Variants in ABL1 observed in about 807,000 individuals in gnomAD.
The protein encoded by ABL1 is tyrosine-protein kinase ABL1.
ABL1 carries 11 observed loss-of-function variants against 94.7 expected under a neutral mutation model. The observed-to-expected ratio is 0.12, with a 90% CI of 0.07 to 0.19. The LOEUF (loss-of-function observed/expected upper bound fraction) is 0.19. Among genes scored for constraint, ABL1 ranks in the 10% least tolerant of loss-of-function variants. The pLI, the probability that ABL1 is intolerant of heterozygous loss-of-function variation, is 1.00. For synonymous variants in ABL1, 656 were observed against 622.4 expected (o/e 1.05, Z -0.80); for missense variants, 1,082 against 1,489.4 (o/e 0.73, Z 4.50).
chr9:130,765,702 A>G (rs186997459), intron 1 of ABL1, among the ~76,000 whole-genome samples: 1 of 152,130 alleles, frequency 6.6e-6, no homozygotes, highest in African/African-American at 2.4e-5. Context: ...GCACAATTAG[A>G]CCTGACAGCC....
intron 1 of ABL1, among the ~76,000 whole-genome samples, chr9:130,793,293 A>G (rs1829932684): frequency 1.3e-5 from 2 of 152,202 alleles, no homozygotes; most frequent in Non-Finnish European, 2.9e-5. Context: ...TATTCCTGTC[A>G]GTATTGATGG....
intron 1 of ABL1, among the ~76,000 whole-genome samples, chr9:130,765,533 T>C (rs1307202968): frequency 2.0e-5 from 3 of 152,206 alleles, no homozygotes; most frequent in African/African-American, 7.2e-5. Flanking sequence ...AATTTCTACA[T>C]CAAAAGAATA....
intron 7 of ABL1, 62 bp from the exon 8 acceptor site, chr9:130,878,352 TA>T (rs1831387578): frequency 6.3e-6 from 10 of 1,583,110 alleles, no homozygotes; most frequent in Non-Finnish European, 8.6e-6. Context: ...TAACTGATTT[TA>T]AATGTAGTGT....
At chr9:130,730,669 T>C (rs1267061994) in intron 1 of ABL1, among the ~76,000 whole-genome samples, 4 of 151,992 alleles carry the variant, frequency 2.6e-5, no homozygotes, top group African/African-American at 9.7e-5. Context: ...CCTCCTGGGC[T>C]CAAGCGGTCC....
rs895574008 is a variant in ABL1, at chr9:130,880,561, C to T, written c.1575C>T (p.Ala525=). The part of the protein sequence containing the change: ...VRGAVSTLLQ[A]PELPTKTRTS... The stretch of plus-strand genomic sequence containing the variant: ...GGGCTGTGAGTACCTTGCTGCAGGC[C>T]CCAGAGCTGCCCACCAAGACGAGGA... The change falls in exon 10 of 11, where the codon GCC becomes GCT. Residue 525 remains alanine, a synonymous_variant. Transcript: ENST00000318560. The surrounding 1 kb of genome is among the most constrained non-coding windows in gnomAD (Gnocchi z 4.4). 6.2e-7 allele frequency: 1 copy of T among 1,613,722 alleles called. No homozygotes were observed. The highest frequency in any genetic ancestry group is 1.3e-5 in the African/African-American group (1 of 74,856).
intron 1 of ABL1, among the ~76,000 whole-genome samples, chr9:130,803,551 T>C (rs1431824815): frequency 6.6e-6 from 1 of 152,228 alleles, no homozygotes; most frequent in Non-Finnish European, 1.5e-5. Flanking sequence ...TTGAACATTT[T>C]GTTAAAACGA....
At chr9:130,721,093 T>A (rs1270830872) in intron 1 of ABL1, among the ~76,000 whole-genome samples, 1 of 151,994 alleles carries the variant, frequency 6.6e-6, no homozygotes, top group Non-Finnish European at 1.5e-5. Context: ...AAATCAACAC[T>A]GTAGGCCGGG....
At chr9:130,838,516 G>A (rs1830621930) in intron 1 of ABL1, among the ~76,000 whole-genome samples, 1 of 152,074 alleles carries the variant, frequency 6.6e-6, no homozygotes, top group Non-Finnish European at 1.5e-5. Context: ...CCCACCTAGA[G>A]GCAATCACCC....
At chr9:130,762,514 T>C (rs1322047931) in intron 1 of ABL1, among the ~76,000 whole-genome samples, 3 of 152,070 alleles carry the variant, frequency 2.0e-5, no homozygotes, top group African/African-American at 7.2e-5. Flanking sequence ...TTTACAGGGG[T>C]GTCTGATCGA....
chr9:130,717,874 G>T (rs1331360012), intron 1 of ABL1, among the ~76,000 whole-genome samples: 3 of 152,034 alleles, frequency 2.0e-5, no homozygotes, highest in Admixed American at 2.0e-4. Context: ...TTAGCCGGGC[G>T]TGGTGGCACA....
chr9:130,797,476 G>A (rs1325886723), intron 1 of ABL1, among the ~76,000 whole-genome samples: 2 of 152,284 alleles, frequency 1.3e-5, no homozygotes, highest in Non-Finnish European at 2.9e-5. Flanking sequence ...CCAGGTTCAA[G>A]CGATTCTCGT....
chr9:130,802,086 T>C (rs574160059), intron 1 of ABL1, among the ~76,000 whole-genome samples: 1 of 147,002 alleles, frequency 6.8e-6, no homozygotes, highest in Admixed American at 6.8e-5. Context: ...TTCATTTTTT[T>C]CCTTCAGTCT....
chr9:130,849,678 C>T (rs927425126), intron 1 of ABL1, among the ~76,000 whole-genome samples: 4 of 152,054 alleles, frequency 2.6e-5, no homozygotes, highest in Admixed American at 6.6e-5. Flanking sequence ...CCACCATGCC[C>T]GGCTAATTTG....
chr9:130,828,378 G>A (rs1830454681), intron 1 of ABL1, among the ~76,000 whole-genome samples: 1 of 152,166 alleles, frequency 6.6e-6, no homozygotes, highest in African/African-American at 2.4e-5. Flanking sequence ...AGAATGAATT[G>A]TTTAATATTA....
intron 1 of ABL1, chr9:130,714,572 T>TGTTACTGTA: frequency 7.3e-7 from 1 of 1,369,048 alleles, no homozygotes; most frequent in South Asian, 1.2e-5. Context: ...TTAATAAATT[T>TGTTACTGTA]GTTACTGTAG....
At chr9:130,819,144 G>T (rs1830326227) in intron 1 of ABL1, among the ~76,000 whole-genome samples, 1 of 152,116 alleles carries the variant, frequency 6.6e-6, no homozygotes, top group South Asian at 2.1e-4. Context: ...ACAAGGTCAG[G>T]AGTTCGAGAC....
exon 1 of ABL1, chr9:130,714,208 T>C (rs1483372724): frequency 9.1e-7 from 1 of 1,101,288 alleles, no homozygotes; most frequent in Non-Finnish European, 1.2e-6. Context: ...TGCTGACTTG[T>C]GGAGATGCAG....
At chr9:130,786,686 A>T (rs144806944) in intron 1 of ABL1, among the ~76,000 whole-genome samples, 177 of 152,082 alleles carry the variant, frequency 1.2e-3, no homozygotes, top group African/African-American at 3.8e-3. Flanking sequence ...CTCTGCTGTC[A>T]TTTCCTCCTC....
At chr9:130,809,413 AGAGAGTGT>A (rs1278970535) in intron 1 of ABL1, among the ~76,000 whole-genome samples, 123 of 112,678 alleles carry the variant, frequency 1.1e-3, no homozygotes, top group South Asian at 3.9e-3. Context: ...AGAGAGAGAG[AGAGAGTGT>A]GTGTGTGTGT....
Sources: allele counts gnomAD v4.1 joint callset (sites outside exome capture counted in the v4.1 genomes callset), GRCh38; gene constraint gnomAD v4.1.1; non-coding constraint Gnocchi (gnomAD v3.1); transcripts MANE v1.5; gene names NCBI Gene and HGNC (gene_info 2026-07-23, HGNC 2026-07-21).